RAB27B: variants seen among roughly 807,000 people sequenced by gnomAD.
RAB27B encodes ras-related protein Rab-27B.
In RAB27B, 15 loss-of-function variants were observed where a neutral mutation model predicts 24.6. The observed-to-expected ratio is 0.61, with a 90% confidence interval of 0.41 to 0.94. The LOEUF is 0.94. Among genes scored for constraint, RAB27B ranks in the 40% least tolerant of loss-of-function variants. RAB27B has a pLI of 0.00. For missense variants in RAB27B, 261 were observed against 266.8 expected (o/e 0.98, Z 0.15); for synonymous variants, 105 against 92.5 (o/e 1.14, Z -0.78).
In RAB27B at chr18:54,768,464, A is replaced by G. The variant is rs569319872; in HGVS notation, c.-20+50323A>G. On this transcript the variant is annotated intron_variant, in intron 2 of 4. Transcript: ENST00000586570. Reference sequence around the variant, plus strand: ...CTTTATGTATAGATACATAATTTTCATATGTACTAAAAGTGGTCATATGCA... The same window carrying G: ...CTTTATGTATAGATACATAATTTTCGTATGTACTAAAAGTGGTCATATGCA... Among the ~76,000 whole-genome samples, 7 of 152,270 alleles carry G rather than the reference A, an allele frequency of 4.6e-5. No individual in the cohort carries two copies. In the East Asian group the frequency reaches 1.4e-3, roughly 29 times the overall value.
chr18:54,819,958 T>A (rs1598929427), intron 2 of RAB27B, among the ~76,000 whole-genome samples: 1 of 152,196 alleles, frequency 6.6e-6, no homozygotes. Context: ...ACTCATCATT[T>A]TTTTGGCTGC....
rs147559042 is a variant in RAB27B, at chr18:54,804,501, A to T, written c.-19-73066A>T. ...TTGGAGGCCTCCCCAGCCACATGGAACTGTAAGTCCAATTAAACCTCTTTT... is the reference window on the plus strand; with the variant it reads ...TTGGAGGCCTCCCCAGCCACATGGATCTGTAAGTCCAATTAAACCTCTTTT... On this transcript the variant is annotated intron_variant, in intron 2 of 4. Coordinates refer to the RAB27B transcript ENST00000586570. Among the ~76,000 whole-genome samples, 5 of 152,326 alleles carry T rather than the reference A, an allele frequency of 3.3e-5. No homozygotes were observed. The East Asian group carries it at 7.7e-4, about 23-fold the overall frequency.
intron 1 of RAB27B, among the ~76,000 whole-genome samples, chr18:54,843,702 A>G (rs1311785066): frequency 1.3e-5 from 2 of 152,238 alleles, no homozygotes; most frequent in African/African-American, 4.8e-5. Flanking sequence ...TTTCAAGTCA[A>G]TCTACTTGAT....
Position 54,789,466 on chromosome 18 carries a change from A to G in RAB27B, c.-20+71325A>G, listed in dbSNP as rs139701767. ...AATATTGTCCCAATAATTAATAAAT[A>G]ATAGAAAAGTAATATATACAAATAC... On this transcript the variant is annotated intron_variant, in intron 2 of 4. Coordinates refer to the RAB27B transcript ENST00000586570. Among the ~76,000 whole-genome samples the G allele has an allele frequency of 5.6e-3, 858 of 152,264 alleles. 8 individuals carry two copies. Among genetic ancestry groups the G allele is most frequent in the African/African-American group, 0.02 (819 of 41,568 alleles).
At chr18:54,815,134 C>T (rs1161172614) in intron 2 of RAB27B, among the ~76,000 whole-genome samples, 1 of 152,140 alleles carries the variant, frequency 6.6e-6, no homozygotes, top group African/African-American at 2.4e-5. Flanking sequence ...ATCATGTCAC[C>T]TCCCAACAAC....
chr18:54,879,091 G>A (rs1912818663), intron 2 of RAB27B, among the ~76,000 whole-genome samples: 1 of 152,106 alleles, frequency 6.6e-6, no homozygotes, highest in Non-Finnish European at 1.5e-5. Context: ...TAGAACTTGG[G>A]TCCTAAATCT....
rs1444907286 is a variant in RAB27B at position 54,891,858 on chromosome 18, A to C, written c.*2445A>C. ...ATAACAATTATTGGGTAATAACTTC[A>C]AGAGGAATGAGAAGTGACAAAATTG... On this transcript the variant is annotated 3_prime_UTR_variant, in exon 6 of 6. Coordinates refer to ENST00000262094, the MANE Select transcript of RAB27B (RefSeq NM_004163.4). 6.6e-6 allele frequency: 1 copy of C among 152,098 alleles called. No individual in the cohort carries two copies. Among genetic ancestry groups the C allele is most frequent in the Non-Finnish European group, 1.5e-5 (1 of 68,002 alleles). 9.4% of individuals were successfully genotyped at this position (152,098 alleles called of 1,614,324 possible). A position where few individuals can be genotyped will look rare whatever the true frequency, so the allele number is the denominator to read the frequency against.
Position 54,761,876 on chromosome 18 carries a change from C to G in RAB27B, c.-20+43735C>G, listed in dbSNP as rs541296831. Among the ~76,000 whole-genome samples the G allele has an allele frequency of 2.0e-5, 3 of 152,260 alleles. No homozygotes were observed. In the East Asian group the frequency reaches 5.8e-4, roughly 29 times the overall value. ...TGTCCCTCCAAAATCCATGCCCACC[C>G]AGAGTCTCCTAATGTGACTTTATTT... On this transcript the variant is annotated intron_variant, in intron 2 of 4. Transcript: ENST00000586570.
chr18:54,790,096 G>C (rs192666077), intron 2 of RAB27B, among the ~76,000 whole-genome samples: 1 of 151,812 alleles, frequency 6.6e-6, no homozygotes, highest in South Asian at 2.1e-4. Context: ...ATTGAAACCT[G>C]GTCATTCCAT....
chr18:54,774,954 TG>T (rs1166457671), intron 2 of RAB27B, among the ~76,000 whole-genome samples: 2 of 152,212 alleles, frequency 1.3e-5, no homozygotes, highest in Non-Finnish European at 2.9e-5. Context: ...TAAAAATGCT[TG>T]GCACCTAATT....
At chr18:54,812,359 C>A (rs554684796) in intron 2 of RAB27B, among the ~76,000 whole-genome samples, 1 of 152,106 alleles carries the variant, frequency 6.6e-6, no homozygotes, top group East Asian at 1.9e-4. Flanking sequence ...TACAGATGTT[C>A]TGGAAATAAT....
chr18:54,778,864 CAG>C lies in RAB27B; in HGVS notation c.-20+60726_-20+60727del, dbSNP rs1243145024. Among the ~76,000 whole-genome samples the C allele has an allele frequency of 2.7e-5, 4 of 148,740 alleles. No individual in the cohort carries two copies. The East Asian group carries it at 5.9e-4, about 22-fold the overall frequency. ...AAGTCCTTTTTTTTTTTTTCTTAGA[CAG>C]AGTCTTACTCTGTCACCAGGCTGGA... On this transcript the variant is annotated intron_variant, in intron 2 of 4. Transcript: ENST00000586570.
At chr18:54,874,989 A>G (rs920491530) in intron 1 of RAB27B, among the ~76,000 whole-genome samples, 4 of 152,144 alleles carry the variant, frequency 2.6e-5, no homozygotes, top group Non-Finnish European at 1.5e-5. Flanking sequence ...AGCAACTAAG[A>G]ATAAGAGCAG....
chr18:54,773,763 C>T (rs747772934), intron 2 of RAB27B, among the ~76,000 whole-genome samples: 2 of 151,788 alleles, frequency 1.3e-5, no homozygotes, highest in Non-Finnish European at 2.9e-5. Context: ...GCAACCTCTG[C>T]CTTCCAGGTT....
chr18:54,821,033 C>T (rs984126240), intron 2 of RAB27B, among the ~76,000 whole-genome samples: 1 of 151,980 alleles, frequency 6.6e-6, no homozygotes, highest in Non-Finnish European at 1.5e-5. Flanking sequence ...TGAAGAAAGT[C>T]ATTAGTAGCT....
rs1436783666 is a variant in RAB27B, at chr18:54,836,763, A to G, written c.-20+8063A>G. On this transcript the variant is annotated intron_variant, in intron 1 of 5. Coordinates refer to ENST00000262094, the MANE Select transcript of RAB27B (RefSeq NM_004163.4). ...CTGCTTTCTAATTGGTGTTTTCCAC[A>G]GTAAACATGCATTGTGCATAGTCAC... 3.3e-5 allele frequency among the ~76,000 whole-genome samples: 5 copies of G among 152,084 alleles called. No homozygotes were observed. In the East Asian group the frequency reaches 9.6e-4, roughly 29 times the overall value.
In RAB27B at chr18:54,782,345, T is replaced by C. The variant is rs1404214939; in HGVS notation, c.-20+64204T>C. On this transcript the variant is annotated intron_variant, in intron 2 of 4. Coordinates refer to the RAB27B transcript ENST00000586570. The stretch of plus-strand genomic sequence containing the variant: ...TATTTTAGCACAGACTTGGAAAATT[T>C]AATCGTAAAGCCAAATAGTATGGTT... 3.9e-5 allele frequency among the ~76,000 whole-genome samples: 6 copies of C among 152,332 alleles called. No individual in the cohort carries two copies. The East Asian group carries it at 1.2e-3, about 29-fold the overall frequency.
At chr18:54,740,057 T>A (rs1910027211) in intron 2 of RAB27B, among the ~76,000 whole-genome samples, 1 of 152,214 alleles carries the variant, frequency 6.6e-6, no homozygotes, top group African/African-American at 2.4e-5. Context: ...TTTATTTTCA[T>A]AACAGCTTAA....
At chr18:54,881,518 C>A (rs886184375) in intron 3 of RAB27B, among the ~76,000 whole-genome samples, 1 of 152,114 alleles carries the variant, frequency 6.6e-6, no homozygotes, top group Non-Finnish European at 1.5e-5. Context: ...TCAGCCAGTT[C>A]TCTTATCTTA....
Sources: allele counts gnomAD v4.1 joint callset (sites outside exome capture counted in the v4.1 genomes callset), GRCh38; gene constraint gnomAD v4.1.1; transcripts MANE v1.5; gene names NCBI Gene and HGNC (gene_info 2026-07-23, HGNC 2026-07-21).